Variants in AMPH observed in about 807,000 individuals in gnomAD.
The protein encoded by AMPH is amphiphysin (Stiff-Mann syndrome with breast cancer 128kD autoantigen).
AMPH carries 49 observed loss-of-function variants against 99.1 expected under a neutral mutation model. The ratio of observed to expected loss-of-function variants is 0.49; its 90% CI spans 0.39 to 0.63. AMPH has a LOEUF of 0.63. Ranked by LOEUF, AMPH falls within the 20% of genes least tolerant of loss-of-function variation. AMPH has a pLI of 0.00. For missense variants in AMPH, 759 were observed against 863.4 expected, an observed-to-expected ratio of 0.88 and a Z score of 1.52; for synonymous variants, 314 against 317.3, an observed-to-expected ratio of 0.99 and a Z score of 0.11.
At chr7:38,420,168 G>A (rs73348887) in intron 16 of AMPH, among the ~76,000 whole-genome samples, 7,127 of 152,168 alleles carry the variant, frequency 0.047, 532 homozygotes, top group African/African-American at 0.16. Flanking sequence ...GGATAGTATA[G>A]CTCACTAAAT....
chr7:38,618,796 T>A (rs187515316), intron 1 of AMPH, among the ~76,000 whole-genome samples: 1 of 151,978 alleles, frequency 6.6e-6, no homozygotes, highest in East Asian at 1.9e-4. Context: ...CAAGAAAATA[T>A]CTATTTAACA....
intron 2 of AMPH, among the ~76,000 whole-genome samples, chr7:38,530,292 T>C (rs746958083): frequency 5.3e-5 from 8 of 152,214 alleles, no homozygotes; most frequent in Non-Finnish European, 1.2e-4. Flanking sequence ...ATCCAACTCA[T>C]GGGAGGCTGG....
intron 1 of AMPH, among the ~76,000 whole-genome samples, chr7:38,611,075 A>G (rs1032446131): frequency 3.9e-5 from 6 of 152,270 alleles, no homozygotes; most frequent in Admixed American, 2.6e-4. Flanking sequence ...CCAGATGTCC[A>G]TCAGTAGATA....
chr7:38,555,169 A>C (rs531449893), intron 1 of AMPH, among the ~76,000 whole-genome samples: 23 of 152,104 alleles, frequency 1.5e-4, no homozygotes, highest in African/African-American at 5.5e-4. Flanking sequence ...GTTCTTTGGG[A>C]GACCAGTGAA....
intron 13 of AMPH, 84 bp from the exon 14 acceptor site, chr7:38,429,949 C>T: frequency 2.3e-6 from 3 of 1,286,666 alleles, no homozygotes; most frequent in East Asian, 2.4e-5. Context: ...CTAGAGTCAA[C>T]ATTCTGCTGA....
At position 38,451,530 on chromosome 7, in the gene AMPH, T is replaced by A. The variant is rs954077858; in HGVS notation, c.1017+9753A>T. On this transcript the variant is annotated intron_variant, in intron 11 of 20. Coordinates refer to ENST00000356264, the MANE Select transcript of AMPH (RefSeq NM_001635.4). ...TAAATCTTTATTTCTTAAAGTGTTT[T>A]ACCAAACACCCATTTCCTAGGAAAG... 4.6e-5 allele frequency among the ~76,000 whole-genome samples: 7 copies of A among 152,150 alleles called. No individual in the cohort carries two copies. The East Asian group carries it at 1.2e-3, about 25-fold the overall frequency.
At chr7:38,385,549 T>C (rs1281046603) in intron 20 of AMPH, among the ~76,000 whole-genome samples, 1 of 152,226 alleles carries the variant, frequency 6.6e-6, no homozygotes, top group Non-Finnish European at 1.5e-5. Flanking sequence ...ACTATTTTTG[T>C]TTTTATAATA....
At chr7:38,630,262 C>G (rs1340753895) in intron 1 of AMPH, among the ~76,000 whole-genome samples, 1 of 152,170 alleles carries the variant, frequency 6.6e-6, no homozygotes, top group African/African-American at 2.4e-5. Flanking sequence ...AAGTACAATG[C>G]TCAAGCTACA....
chr7:38,391,918 C>T lies in AMPH; in HGVS notation c.1708G>A (p.Glu570Lys), dbSNP rs748822925. Reference protein sequence around the residue: ...TIGAEPKETTEDAAPPGPTSE... With the variant: ...TIGAEPKETTKDAAPPGPTSE... The stretch of plus-strand genomic sequence containing the variant: ...GTGGGGCCCGGAGGAGCCGCGTCCT[C>T]GGTGGTCTCCTTGGGCTCTGCACCT... The change falls in exon 19 of 21, where the codon GAG becomes AAG. Residue 570 changes from glutamate (E) to lysine (K), a missense_variant. This residue lies in a region of AMPH where 554 missense variants were observed against 575.6 expected (regional missense o/e 0.96). Coordinates refer to ENST00000356264, the MANE Select transcript of AMPH (RefSeq NM_001635.4). 5.6e-6 allele frequency: 9 copies of T among 1,612,644 alleles called. No individual in the cohort carries two copies. Among genetic ancestry groups the T allele is most frequent in the South Asian group, 1.1e-5 (1 of 91,020 alleles).
intron 1 of AMPH, among the ~76,000 whole-genome samples, chr7:38,572,813 G>A (rs1210120702): frequency 1.3e-5 from 2 of 152,116 alleles, no homozygotes; most frequent in African/African-American, 4.8e-5. Context: ...CCAACAGGGA[G>A]TGTGGGATAG....
At chr7:38,624,389 T>C (rs1360907833) in intron 1 of AMPH, among the ~76,000 whole-genome samples, 1 of 151,924 alleles carries the variant, frequency 6.6e-6, no homozygotes, top group Non-Finnish European at 1.5e-5. Flanking sequence ...TTATTAGTAT[T>C]AGTATTAGTA....
intron 1 of AMPH, among the ~76,000 whole-genome samples, chr7:38,610,330 AGAAAAAAG>A (rs1353289767): frequency 9.6e-5 from 4 of 41,878 alleles, no homozygotes; most frequent in African/African-American, 2.6e-4. Context: ...AGAAAAGAAA[AGAAAAAAG>A]AAAAGAAAAG....
intron 1 of AMPH, among the ~76,000 whole-genome samples, chr7:38,558,753 TGA>T (rs1052858489): frequency 1.2e-4 from 18 of 152,334 alleles, no homozygotes; most frequent in Admixed American, 8.5e-4. Flanking sequence ...GCATTTGTCC[TGA>T]GACACATCCT....
rs182455108 is a variant in AMPH at position 38,490,012 on chromosome 7, C to A, written c.396+1038G>T. On this transcript the variant is annotated intron_variant, in intron 5 of 20. Transcript: ENST00000356264. ...ATAATTTTGAAAATAATTTGCCATG[C>A]AATAAACAGTACTCTGAAGTGATTA... Among the ~76,000 whole-genome samples the A allele has an allele frequency of 9.0e-4, 137 of 152,090 alleles. 3 individuals are homozygous for A. The highest frequency in any genetic ancestry group is 8.6e-3 in the Admixed American group (132 of 15,280).
At chr7:38,431,756 T>C (rs545166087) in intron 13 of AMPH, among the ~76,000 whole-genome samples, 2 of 152,256 alleles carry the variant, frequency 1.3e-5, no homozygotes, top group East Asian at 3.9e-4. Flanking sequence ...AAACTCAAGT[T>C]CTTATTAACC....
intron 5 of AMPH, among the ~76,000 whole-genome samples, chr7:38,489,406 A>C (rs1431998783): frequency 1.3e-5 from 2 of 150,436 alleles, no homozygotes; most frequent in Non-Finnish European, 3.0e-5. Context: ...AGAAAAGTTG[A>C]GGGGGGGGGA....
chr7:38,503,061 A>G (rs1172368959), intron 3 of AMPH, among the ~76,000 whole-genome samples: 1 of 151,922 alleles, frequency 6.6e-6, no homozygotes, highest in Non-Finnish European at 1.5e-5. Context: ...CCACCTCCCT[A>G]TTGCTCTCTT....
chr7:38,603,754 C>T (rs574732712), intron 1 of AMPH, among the ~76,000 whole-genome samples: 1 of 152,328 alleles, frequency 6.6e-6, no homozygotes, highest in South Asian at 2.1e-4. Flanking sequence ...TCAGCCCTCC[C>T]TGCTCATGCA....
In AMPH at chr7:38,445,010, T is replaced by TATATATATATATATACACACACAC. The variant is rs1458295332; in HGVS notation, c.1018-8623_1018-8622insGTGTGTGTGTATATATATATATAT. On this transcript the variant is annotated intron_variant, in intron 11 of 20. Transcript: ENST00000356264. The stretch of plus-strand genomic sequence containing the variant: ...ATATACATATATATATATATATATA[T>TATATATATATATATACACACACAC]ACACACACACACACGGTATATACAT... 8.7e-5 allele frequency among the ~76,000 whole-genome samples: 11 copies of TATATATATATATATACACACACAC among 125,972 alleles called. No individual in the cohort carries two copies. The East Asian group carries it at 1.4e-3, about 16-fold the overall frequency. The allele number at this position is 125,972 out of a possible 152,430, so 82.6% of individuals were successfully genotyped here. A position where few individuals can be genotyped will look rare whatever the true frequency, so the allele number is the denominator to read the frequency against.
Sources: allele counts gnomAD v4.1 joint callset (sites outside exome capture counted in the v4.1 genomes callset), GRCh38; gene constraint gnomAD v4.1.1; regional missense constraint gnomAD v4.1.1; transcripts MANE v1.5; gene names NCBI Gene and HGNC (gene_info 2026-07-23, HGNC 2026-07-21).